The following LAMP3 variants were observed in gnomAD, a reference collection of about 807,000 sequenced individuals.
The protein encoded by LAMP3 is lysosome associated membrane protein 3, also known as lysosome-associated membrane glycoprotein 3.
LAMP3 carries 26 observed loss-of-function variants against 34.8 expected under a neutral mutation model. That is an observed-to-expected ratio of 0.75 (90% CI 0.55 to 1.04). LAMP3 has a LOEUF of 1.04. Ranked by LOEUF, LAMP3 falls within the 50% of genes least tolerant of loss-of-function variation. The pLI, the probability that LAMP3 is intolerant of heterozygous loss-of-function variation, is 0.00. For synonymous variants in LAMP3, 180 were observed against 201.9 expected (o/e 0.89, Z 0.92); for missense variants, 495 against 524.0 (o/e 0.94, Z 0.54).
chr3:183,146,522 ATTT>A (rs1192142107), intron 3 of LAMP3, among the ~76,000 whole-genome samples: 19 of 130,080 alleles, frequency 1.5e-4, no homozygotes, highest in African/African-American at 3.4e-4. Context: ...TGGTGCTCAA[ATTT>A]TTTTTTTTTT....
chr3:183,142,301 T>A (rs1405023713), intron 3 of LAMP3, among the ~76,000 whole-genome samples: 1 of 152,028 alleles, frequency 6.6e-6, no homozygotes, highest in Non-Finnish European at 1.5e-5. Context: ...TAGCTTTGTT[T>A]TTGTAAATGG....
rs752176658 is a variant in LAMP3, at chr3:183,153,733, G to A, written c.708C>T (p.Leu236=). The A allele has an allele frequency of 5.2e-6, 8 of 1,535,748 alleles. No homozygotes were observed. Among genetic ancestry groups the A allele is most frequent in the Non-Finnish European group, 6.1e-6 (7 of 1,143,724 alleles). ...GIYQVLNGSR[L]CIKAEMGIQL... Reference sequence around the variant, plus strand: ...GTATCCCCATCTCTGCTTTTATACAGAGTCTGCTTCCGTTTAGAACCTGAT... The same window carrying A: ...GTATCCCCATCTCTGCTTTTATACAAAGTCTGCTTCCGTTTAGAACCTGAT... The change falls in exon 2 of 6, where the codon CTC becomes CTT. Residue 236 remains leucine (L), a synonymous_variant. Transcript: ENST00000265598.
intron 4 of LAMP3, among the ~76,000 whole-genome samples, chr3:183,136,963 A>C (rs1254385674): frequency 6.6e-6 from 1 of 151,500 alleles, no homozygotes; most frequent in African/African-American, 2.4e-5. Flanking sequence ...AGCTATGATC[A>C]TGCCACCACA....
Position 183,154,193 on chromosome 3 carries a change from A to G in LAMP3, c.248T>C (p.Ile83Thr), listed in dbSNP as rs1560315535. 3 of 1,613,908 alleles carry G rather than the reference A, an allele frequency of 1.9e-6. No homozygotes were observed. Among genetic ancestry groups the G allele is most frequent in the Non-Finnish European group, 2.5e-6 (3 of 1,179,980 alleles). Residue 83 changes from isoleucine (I) to threonine (T), a missense_variant, in exon 2 of 6, where the codon ATT becomes ACT. Transcript: ENST00000265598. ...TGTAGTCGCTGGGGTAGTTGTTGGA[A>G]TTTTTACTGTGGCCGCTGTTTGAAA... Reference protein sequence around the residue: ...ITFQTAATVKIPTTTPATTKN... With the variant: ...ITFQTAATVKTPTTTPATTKN...
intron 3 of LAMP3, among the ~76,000 whole-genome samples, chr3:183,147,664 C>A (rs1157785330): frequency 6.6e-6 from 1 of 151,802 alleles, no homozygotes; most frequent in Non-Finnish European, 1.5e-5. Flanking sequence ...ATATGCCTAG[C>A]ACCTGTAATT....
Position 183,122,296 on chromosome 3 carries a change from C to G in LAMP3, c.*1785G>C, listed in dbSNP as rs1055428668. 3 of 152,176 alleles carry G rather than the reference C, an allele frequency of 2.0e-5. No individual in the cohort carries two copies. The highest frequency in any genetic ancestry group is 7.2e-5 in the African/African-American group (3 of 41,440). The allele number at this position is 152,176 out of a possible 1,614,324, so 9.4% of individuals were successfully genotyped here. ...CTAAAGTCAGGACCTTGCCAACTTACTGAGTCATAAGGAAACACATGAGGA... is the reference window on the plus strand; with the variant it reads ...CTAAAGTCAGGACCTTGCCAACTTAGTGAGTCATAAGGAAACACATGAGGA... On this transcript the variant is annotated 3_prime_UTR_variant, in exon 6 of 6. Coordinates refer to ENST00000265598, the MANE Select transcript of LAMP3 (RefSeq NM_014398.4).
chr3:183,127,194 G>C (rs1719800738), intron 5 of LAMP3, among the ~76,000 whole-genome samples: 1 of 152,066 alleles, frequency 6.6e-6, no homozygotes, highest in African/African-American at 2.4e-5. Flanking sequence ...GGGGGCAGTG[G>C]TGCGATCATA....
upstream of LAMP3, chr3:183,162,899 G>A (rs1313236773): frequency 4.1e-6 from 2 of 493,288 alleles, no homozygotes; most frequent in Non-Finnish European, 7.1e-6. Flanking sequence ...ACCGTTTACC[G>A]CACGCGCGTG....
chr3:183,144,025 G>A (rs145557198), intron 3 of LAMP3, among the ~76,000 whole-genome samples: 1 of 152,042 alleles, frequency 6.6e-6, no homozygotes, highest in South Asian at 2.1e-4. Context: ...GGGTCCTAAG[G>A]TCCCCCTGTC....
chr3:183,143,293 T>G (rs929511225), intron 3 of LAMP3, among the ~76,000 whole-genome samples: 1 of 151,906 alleles, frequency 6.6e-6, no homozygotes, highest in African/African-American at 2.4e-5. Flanking sequence ...AAAATTTTTT[T>G]ATAGAGATGG....
intron 1 of LAMP3, among the ~76,000 whole-genome samples, chr3:183,156,854 C>T (rs758338727): frequency 2.6e-5 from 4 of 152,056 alleles, no homozygotes; most frequent in African/African-American, 7.3e-5. Flanking sequence ...ACTTGAGCAC[C>T]GGTACATCTG....
chr3:183,151,442 T>C (rs1263278059), intron 3 of LAMP3, among the ~76,000 whole-genome samples: 3 of 149,536 alleles, frequency 2.0e-5, no homozygotes, highest in African/African-American at 7.4e-5. Context: ...TTTTTTTTTT[T>C]TTGAGATGGA....
intron 5 of LAMP3, among the ~76,000 whole-genome samples, chr3:183,133,648 G>A (rs1243873560): frequency 9.2e-5 from 14 of 152,296 alleles, no homozygotes; most frequent in African/African-American, 3.1e-4. Flanking sequence ...CAGCCAACAC[G>A]CCCAGTCCTA....
chr3:183,141,250 G>A (rs1370708548), intron 3 of LAMP3, among the ~76,000 whole-genome samples: 1 of 151,998 alleles, frequency 6.6e-6, no homozygotes, highest in Non-Finnish European at 1.5e-5. Context: ...GAGATCCCTG[G>A]GTATTCTCTA....
At chr3:183,135,629 C>T in intron 5 of LAMP3, 88 bp downstream of exon 5, 3 of 1,246,518 alleles carry the variant, frequency 2.4e-6, no homozygotes, top group Non-Finnish European at 3.4e-6. Flanking sequence ...GATGCTTGCT[C>T]CTTCGACAGC....
chr3:183,131,827 G>T (rs1719933009), intron 5 of LAMP3: 2 of 700,414 alleles, frequency 2.9e-6, no homozygotes, highest in Non-Finnish European at 3.5e-6. Context: ...TTCTCTGAAT[G>T]AAAAACCCCC....
At chr3:183,131,017 C>T (rs1192765959) in intron 5 of LAMP3, among the ~76,000 whole-genome samples, 1 of 152,188 alleles carries the variant, frequency 6.6e-6, no homozygotes, top group Non-Finnish European at 1.5e-5. Flanking sequence ...GAGTAAATTA[C>T]ACATCCAAGC....
intron 4 of LAMP3, 77 bp from the exon 5 acceptor site, chr3:183,135,964 G>C: frequency 2.5e-6 from 3 of 1,179,406 alleles, no homozygotes; most frequent in South Asian, 1.3e-5. Flanking sequence ...GGCTGCCTGT[G>C]CACAGCTAAA....
intron 1 of LAMP3, among the ~76,000 whole-genome samples, chr3:183,155,874 T>C (rs943836175): frequency 2.0e-5 from 3 of 152,222 alleles, no homozygotes; most frequent in Admixed American, 6.5e-5. Flanking sequence ...TTTAGGATTA[T>C]TGTAAGGCTC....
Sources: allele counts gnomAD v4.1 joint callset (sites outside exome capture counted in the v4.1 genomes callset), GRCh38; gene constraint gnomAD v4.1.1; transcripts MANE v1.5; gene names NCBI Gene and HGNC (gene_info 2026-07-23, HGNC 2026-07-21).